The following TNRC6C variants were observed in gnomAD, a reference collection of about 807,000 sequenced individuals.
TNRC6C encodes trinucleotide repeat containing adaptor 6C.
TNRC6C carries 20 observed loss-of-function variants against 153.7 expected under a neutral mutation model. The observed-to-expected ratio is 0.13, with a 90% CI of 0.09 to 0.19. TNRC6C has a LOEUF of 0.19. Among genes scored for constraint, TNRC6C ranks in the 10% least tolerant of loss-of-function variants. The pLI is 1.00. For synonymous variants in TNRC6C, 811 were observed against 841.4 expected (o/e 0.96, Z 0.63); for missense variants, 1,987 against 2,172.0 (o/e 0.91, Z 1.69).
chr17:78,107,271 GTT>G (rs958496639), exon 20 of TNRC6C: 39 of 151,942 alleles, frequency 2.6e-4, no homozygotes, highest in African/African-American at 9.4e-4. Context: ...TTGTTTGTTT[GTT>G]TTTTGTTTTT....
intron 4 of TNRC6C, among the ~76,000 whole-genome samples, chr17:78,066,000 G>A (rs1334332736): frequency 1.3e-5 from 2 of 152,166 alleles, no homozygotes; most frequent in Non-Finnish European, 2.9e-5. Flanking sequence ...GGAGGCCAAG[G>A]TGGGTGGACC....
intron 1 of TNRC6C, among the ~76,000 whole-genome samples, chr17:78,030,243 G>A (rs564834731): frequency 1.6e-4 from 25 of 151,874 alleles, no homozygotes; most frequent in Non-Finnish European, 3.1e-4. Context: ...TCCACCTCCC[G>A]GGTTCAAGCA....
intron 3 of TNRC6C, among the ~76,000 whole-genome samples, chr17:78,053,694 G>A (rs2072585265): frequency 2.6e-5 from 4 of 152,004 alleles, no homozygotes; most frequent in Admixed American, 6.6e-5. Context: ...TAGTGGGACA[G>A]GCTAGTAATA....
intron 1 of TNRC6C, among the ~76,000 whole-genome samples, chr17:78,018,494 A>C (rs948377565): frequency 6.6e-6 from 1 of 152,128 alleles, no homozygotes; most frequent in African/African-American, 2.4e-5. Flanking sequence ...GAACCCATTA[A>C]ATATTTTCTA....
intron 1 of TNRC6C, among the ~76,000 whole-genome samples, chr17:77,980,654 T>A (rs1261080185): frequency 2.0e-5 from 3 of 152,160 alleles, no homozygotes; most frequent in African/African-American, 7.2e-5. Context: ...TCCAGGACTG[T>A]CCCTCCTTGA....
rs183714038 is a variant in TNRC6C at position 78,074,612 on chromosome 17, C to G, written c.2918-524C>G. On this transcript the variant is annotated intron_variant, in intron 7 of 19. Coordinates refer to ENST00000301624, the Ensembl canonical transcript of TNRC6C. ...GAGAACAGAAACAGTGTCTGTTTTG[C>G]ACAGTATTGTATCCCCCACATCTGG... Among the ~76,000 whole-genome samples the G allele has an allele frequency of 1.2e-3, 179 of 152,310 alleles. 1 individual carries two copies. The highest frequency in any genetic ancestry group is 6.2e-3 in the South Asian group (30 of 4,826).
rs147317193 is a variant in TNRC6C at position 77,986,299 on chromosome 17, C to T, written c.-37-17871C>T. 8.2e-3 allele frequency among the ~76,000 whole-genome samples: 1,244 copies of T among 152,072 alleles called. 4 individuals are homozygous for T. Among genetic ancestry groups the T allele is most frequent in the Middle Eastern group, 0.02 (6 of 294 alleles). On this transcript the variant is annotated intron_variant, in intron 1 of 22. Transcript: ENST00000636222. ...GCATGGTGGCACATGCCTGTAATCC[C>T]AGCCATTTGGGAGGCTGAGGCAGGA...
chr17:78,091,696 T>C, intron 14 of TNRC6C, 89 bp downstream of exon 16: 4 of 1,261,726 alleles, frequency 3.2e-6, no homozygotes, highest in East Asian at 3.1e-5. Context: ...TCTATACTTT[T>C]CTAAGAATTG....
chr17:78,059,399 T>C (rs994498794), intron 3 of TNRC6C, among the ~76,000 whole-genome samples: 1 of 152,208 alleles, frequency 6.6e-6, no homozygotes, highest in Non-Finnish European at 1.5e-5. Context: ...GGGCTGGACT[T>C]CAGCAAGGAC....
Position 78,049,662 on chromosome 17 carries a change from G to A in TNRC6C, c.600G>A (p.Met200Ile). 1 of 1,613,286 alleles carries A rather than the reference G, an allele frequency of 6.2e-7. No homozygotes were observed. The highest frequency in any genetic ancestry group is 8.5e-7 in the Non-Finnish European group (1 of 1,179,282). Residue 200 changes from methionine (M) to isoleucine (I), a missense_variant, in exon 3 of 20, where the codon ATG becomes ATA. By Grantham distance (10) the Met-to-Ile change is conservative (BLOSUM62 1). Transcript: ENST00000301624. The surrounding 1 kb of genome is among the most constrained non-coding windows in gnomAD (Gnocchi z 4.1). ...CTTCACCCAACCCTATCAATGCAAT[G>A]CAGACAAATGGACTGCCAAACTGGG...
intron 1 of TNRC6C, among the ~76,000 whole-genome samples, chr17:77,977,619 G>T (rs1229969120): frequency 6.6e-6 from 1 of 152,050 alleles, no homozygotes; most frequent in Admixed American, 6.5e-5. Context: ...AATAAAACAA[G>T]AAAGAAATTT....
At position 78,104,983 on chromosome 17, in the gene TNRC6C, C is replaced by T. The variant is rs551510582; in HGVS notation, c.*138C>T. On this transcript the variant is annotated 3_prime_UTR_variant, in exon 20 of 20. Transcript: ENST00000301624. The surrounding 1 kb of genome is among the most constrained non-coding windows in gnomAD (Gnocchi z 6.2). The stretch of plus-strand genomic sequence containing the variant: ...TCCAGGACTGAAGACGAACCTTGGC[C>T]GCAGTCCTTGCGAACTGTTCGCAAA... 10 of 1,196,702 alleles carry T rather than the reference C, an allele frequency of 8.4e-6. No individual in the cohort carries two copies. The East Asian group carries it at 1.3e-4, about 15-fold the overall frequency. The allele number at this position is 1,196,702 out of a possible 1,614,324, so 74.1% of individuals were successfully genotyped here.
intron 1 of TNRC6C, among the ~76,000 whole-genome samples, chr17:77,993,986 C>A (rs1016543803): frequency 6.6e-6 from 1 of 151,954 alleles, no homozygotes; most frequent in Non-Finnish European, 1.5e-5. Flanking sequence ...TGAGGTCAGG[C>A]GTTTGAGCCC....
intron 1 of TNRC6C, among the ~76,000 whole-genome samples, chr17:77,981,070 G>T (rs980545861): frequency 2.6e-5 from 4 of 152,072 alleles, no homozygotes; most frequent in African/African-American, 9.7e-5. Flanking sequence ...CAACCTCCTG[G>T]ACTCAAGCCA....
intron 1 of TNRC6C, among the ~76,000 whole-genome samples, chr17:77,978,814 T>C (rs375243848): frequency 6.6e-6 from 1 of 152,216 alleles, no homozygotes; most frequent in East Asian, 1.9e-4. Context: ...ATGGTGAACC[T>C]AAAAATTTTC....
rs370057843 is a variant in TNRC6C at position 77,974,257 on chromosome 17, CAT to C, written c.-38+14990_-38+14991del. On this transcript the variant is annotated intron_variant, in intron 1 of 22. Transcript: ENST00000636222. ...AAAATGGGCGAAGGATTTCAATACACATGTCACCAAAAAAGATATACAAATAG... is the reference window on the plus strand; with the variant it reads ...AAAATGGGCGAAGGATTTCAATACACGTCACCAAAAAAGATATACAAATAG... Among the ~76,000 whole-genome samples the C allele has an allele frequency of 2.4e-4, 36 of 152,232 alleles. 1 individual carries two copies. The highest frequency in any genetic ancestry group is 5.5e-4 in the African/African-American group (23 of 41,534).
chr17:78,007,305 A>T (rs1044581091), intron 1 of TNRC6C, among the ~76,000 whole-genome samples: 35 of 152,240 alleles, frequency 2.3e-4, no homozygotes, highest in African/African-American at 8.2e-4. Flanking sequence ...CAAACAAAAA[A>T]TGCTTTTTGA....
rs540902375 is a variant in TNRC6C at position 78,017,420 on chromosome 17, A to C, written c.-546+12341A>C. Among the ~76,000 whole-genome samples, 3 of 152,252 alleles carry C rather than the reference A, an allele frequency of 2.0e-5. No homozygotes were observed. In the East Asian group the frequency reaches 5.8e-4, roughly 29 times the overall value. Reference sequence around the variant, plus strand: ...TCCTGCTCAGGTGGCGGAGCTGAACAAGGAGGGCACCGCTGCCTCCTCTCC... The same window carrying C: ...TCCTGCTCAGGTGGCGGAGCTGAACCAGGAGGGCACCGCTGCCTCCTCTCC... On this transcript the variant is annotated intron_variant, in intron 1 of 19. Transcript: ENST00000301624.
chr17:78,063,893 CA>C (rs2072818981), intron 3 of TNRC6C, among the ~76,000 whole-genome samples: 1 of 152,148 alleles, frequency 6.6e-6, no homozygotes, highest in Non-Finnish European at 1.5e-5. Flanking sequence ...ACATATAATA[CA>C]AGATGTAAAC....
Sources: gnomAD v4.1 joint callset for allele counts (sites outside exome capture counted in the v4.1 genomes callset) on GRCh38, gnomAD v4.1.1 for gene constraint, Gnocchi (gnomAD v3.1) non-coding constraint, MANE v1.5 for transcripts, NCBI Gene and HGNC (gene_info 2026-07-23, HGNC 2026-07-21) for gene names.